GNAL: variants seen among roughly 807,000 people sequenced by gnomAD.
GNAL encodes guanine nucleotide-binding protein G(olf) subunit alpha.
A neutral mutation model predicts 55.1 loss-of-function variants in GNAL; 18 were observed. That is an observed-to-expected ratio of 0.33 (90% CI 0.23 to 0.48). GNAL has a LOEUF of 0.48. Ranked by LOEUF, GNAL falls within the 20% of genes least tolerant of loss-of-function variation. The pLI is 0.99. For missense variants in GNAL, 412 were observed against 614.1 expected (o/e 0.67, Z 3.48); for synonymous variants, 253 against 237.0 (o/e 1.07, Z -0.62).
chr18:11,873,935 G>A (rs624549), intron 10 of GNAL: 45,974 of 152,460 alleles, frequency 0.3, 7,350 homozygotes, highest in African/African-American at 0.36. Flanking sequence ...CACTCCTCTC[G>A]TCTCAGCAGC....
chr18:11,819,266 C>T (rs1042578389), intron 4 of GNAL, among the ~76,000 whole-genome samples: 6 of 152,148 alleles, frequency 3.9e-5, no homozygotes, highest in Non-Finnish European at 5.9e-5. Context: ...TTCTTTTACT[C>T]ATCTGAGAAT....
chr18:11,695,436 G>A (rs910662529), intron 1 of GNAL, among the ~76,000 whole-genome samples: 1 of 152,318 alleles, frequency 6.6e-6, no homozygotes, highest in East Asian at 1.9e-4. Flanking sequence ...CATACTTGAT[G>A]TGAATTGGTG....
intron 5 of GNAL, among the ~76,000 whole-genome samples, chr18:11,855,982 A>T (rs1180864929): frequency 6.6e-6 from 1 of 151,234 alleles, no homozygotes; most frequent in Non-Finnish European, 1.5e-5. Flanking sequence ...CAAAAAAAAA[A>T]AAGTGCTGAA....
intron 5 of GNAL, among the ~76,000 whole-genome samples, chr18:11,855,658 G>T (rs998736840): frequency 6.6e-6 from 1 of 152,058 alleles, no homozygotes; most frequent in Non-Finnish European, 1.5e-5. Context: ...CTGTGTGCCC[G>T]CCCTGCTGTC....
chr18:11,858,318 A>G (rs2036055900), intron 5 of GNAL, among the ~76,000 whole-genome samples: 1 of 152,218 alleles, frequency 6.6e-6, no homozygotes, highest in South Asian at 2.1e-4. Flanking sequence ...CTACAATGCA[A>G]GTGATTTTTT....
rs1177901593 is a variant in GNAL, at chr18:11,882,102, A to G, written c.*967A>G. 2.0e-5 allele frequency: 3 copies of G among 152,238 alleles called. No individual in the cohort carries two copies. Among genetic ancestry groups the G allele is most frequent in the African/African-American group, 7.2e-5 (3 of 41,452 alleles). 9.4% of individuals were successfully genotyped at this position (152,238 alleles called of 1,614,324 possible). A position where few individuals can be genotyped will look rare whatever the true frequency, so the allele number is the denominator to read the frequency against. On this transcript the variant is annotated 3_prime_UTR_variant, in exon 12 of 12. Transcript: ENST00000334049. ...TGATTTAAAAAATTGTAAGTTATACACGTTAATCATCCACATTCTATCGAC... is the reference window on the plus strand; with the variant it reads ...TGATTTAAAAAATTGTAAGTTATACGCGTTAATCATCCACATTCTATCGAC...
intron 1 of GNAL, among the ~76,000 whole-genome samples, chr18:11,718,671 A>T (rs562407509): frequency 5.3e-4 from 80 of 152,304 alleles, no homozygotes; most frequent in Non-Finnish European, 5.6e-4. Context: ...TAAGGTTTCA[A>T]TCACTTTACC....
At chr18:11,744,142 G>A (rs1241751904) in intron 1 of GNAL, among the ~76,000 whole-genome samples, 1 of 152,190 alleles carries the variant, frequency 6.6e-6, no homozygotes, top group Non-Finnish European at 1.5e-5. Flanking sequence ...TTTTGGACAA[G>A]GGGTGAAGTC....
At chr18:11,847,313 T>C (rs112540249) in intron 5 of GNAL, among the ~76,000 whole-genome samples, 18 of 151,934 alleles carry the variant, frequency 1.2e-4, no homozygotes, top group African/African-American at 3.4e-4. Flanking sequence ...AGATATAACA[T>C]TTCAAAATCA....
chr18:11,799,370 C>T (rs753533014), intron 4 of GNAL, among the ~76,000 whole-genome samples: 2 of 152,162 alleles, frequency 1.3e-5, no homozygotes, highest in Non-Finnish European at 2.9e-5. Flanking sequence ...GTTCATTGCT[C>T]TGTCTTAAAC....
At chr18:11,690,069 T>G (rs1024519944) in intron 1 of GNAL, 130 bp downstream of exon 1, 8 of 444,176 alleles carry the variant, frequency 1.8e-5, no homozygotes, top group Non-Finnish European at 2.7e-5. Context: ...ATCCCGGGAC[T>G]GGACCCGGAC....
intron 4 of GNAL, among the ~76,000 whole-genome samples, chr18:11,775,517 C>T (rs547434901): frequency 6.6e-6 from 1 of 152,318 alleles, no homozygotes; most frequent in Admixed American, 6.5e-5. Context: ...TGGGACTTGG[C>T]GCCAGGGCCT....
At chr18:11,825,128 C>T (rs964547411) in intron 5 of GNAL, 113 bp downstream of exon 5, 3 of 642,690 alleles carry the variant, frequency 4.7e-6, no homozygotes, top group Non-Finnish European at 8.2e-6. Context: ...GAATAATTAA[C>T]CTTTTATGAC....
chr18:11,691,705 T>G (rs1037775239), intron 1 of GNAL, among the ~76,000 whole-genome samples: 1 of 152,176 alleles, frequency 6.6e-6, no homozygotes, highest in African/African-American at 2.4e-5. Flanking sequence ...CAGCATCATT[T>G]ATTAAATAGG....
chr18:11,747,609 T>C (rs2032717787), intron 1 of GNAL: 1 of 148,248 alleles, frequency 6.7e-6, no homozygotes, highest in African/African-American at 2.5e-5. Flanking sequence ...TTGTGAAGGA[T>C]AGGGGTACTG....
chr18:11,784,640 A>C (rs991776979), intron 4 of GNAL, among the ~76,000 whole-genome samples: 1 of 152,206 alleles, frequency 6.6e-6, no homozygotes, highest in African/African-American at 2.4e-5. Context: ...AAACATACAA[A>C]TTAGCATTTT....
At chr18:11,874,938 C>T in intron 10 of GNAL, among the ~76,000 whole-genome samples, 2 of 152,078 alleles carry the variant, frequency 1.3e-5, no homozygotes, top group Non-Finnish European at 2.9e-5. Context: ...CTCACACACC[C>T]TGCAACAGAG....
intron 7 of GNAL, among the ~76,000 whole-genome samples, chr18:11,865,722 T>C (rs902209355): frequency 2.5e-5 from 3 of 122,040 alleles, no homozygotes; most frequent in South Asian, 2.5e-4. Flanking sequence ...GCCATTTCAC[T>C]CCAGCCTGGG....
chr18:11,840,059 A>G (rs987547027), intron 5 of GNAL, among the ~76,000 whole-genome samples: 3 of 152,204 alleles, frequency 2.0e-5, no homozygotes, highest in Admixed American at 1.3e-4. Context: ...TCACATAATA[A>G]CTAGGATCCA....
Sources: allele counts gnomAD v4.1 joint callset (sites outside exome capture counted in the v4.1 genomes callset), GRCh38; gene constraint gnomAD v4.1.1; transcripts MANE v1.5; gene names NCBI Gene and HGNC (gene_info 2026-07-23, HGNC 2026-07-21).